Variants in RBFOX1 observed in about 807,000 individuals in gnomAD.
RBFOX1 encodes RNA binding fox-1 homolog 1.
A neutral mutation model predicts 57.7 loss-of-function variants in RBFOX1; 8 were observed. The observed-to-expected ratio is 0.14, with a 90% CI of 0.08 to 0.25. RBFOX1 has a LOEUF of 0.25. Among genes scored for constraint, RBFOX1 ranks in the 10% least tolerant of loss-of-function variants. RBFOX1 has a pLI of 1.00. For missense variants in RBFOX1, 611 were observed against 548.5 expected (o/e 1.11, Z -1.14); for synonymous variants, 326 against 222.4 (o/e 1.47, Z -4.15).
Position 7,235,733 on chromosome 16 carries a change from A to G in RBFOX1, c.27+183635A>G, listed in dbSNP as rs144698815. On this transcript the variant is annotated intron_variant, in intron 4 of 15. Coordinates refer to ENST00000550418, the MANE Select transcript of RBFOX1 (RefSeq NM_018723.4). ...TCTCTTTTTTCCTGCCTTGCAATTT[A>G]TATATTAAGGGTTGACCAAAAATTG... 2.9e-3 allele frequency among the ~76,000 whole-genome samples: 446 copies of G among 152,308 alleles called. 6 individuals carry two copies. Among genetic ancestry groups the G allele is most frequent in the African/African-American group, 0.01 (417 of 41,574 alleles).
intron 4 of RBFOX1, among the ~76,000 whole-genome samples, chr16:7,086,777 C>T (rs1001392220): frequency 2.7e-5 from 4 of 149,022 alleles, no homozygotes; most frequent in South Asian, 2.1e-4. Flanking sequence ...GCGTGTGTAT[C>T]ATCTTCATCC....
At chr16:7,195,111 C>G (rs59417309) in intron 4 of RBFOX1, among the ~76,000 whole-genome samples, 1 of 152,038 alleles carries the variant, frequency 6.6e-6, no homozygotes, top group African/African-American at 2.4e-5. Flanking sequence ...TCTATCAACA[C>G]CCTTAAGTCT....
chr16:7,370,037 C>A (rs937540633), intron 4 of RBFOX1, among the ~76,000 whole-genome samples: 1 of 152,154 alleles, frequency 6.6e-6, no homozygotes, highest in African/African-American at 2.4e-5. Flanking sequence ...AGCTTCTGAA[C>A]CTTGAGACTA....
At chr16:7,537,798 T>G (rs1000039178) in intron 5 of RBFOX1, among the ~76,000 whole-genome samples, 13 of 152,170 alleles carry the variant, frequency 8.5e-5, no homozygotes, top group African/African-American at 2.2e-4. Flanking sequence ...AGATTTCAGT[T>G]GAATGCAGAC....
intron 3 of RBFOX1, among the ~76,000 whole-genome samples, chr16:6,889,838 A>C (rs2065002406): frequency 6.6e-6 from 1 of 152,242 alleles, no homozygotes; most frequent in African/African-American, 2.4e-5. Flanking sequence ...CAGACACAGC[A>C]GGAAACAAGA....
intron 1 of RBFOX1, among the ~76,000 whole-genome samples, chr16:6,074,042 G>C (rs905401196): frequency 1.3e-5 from 2 of 152,014 alleles, no homozygotes; most frequent in Non-Finnish European, 2.9e-5. Flanking sequence ...TCCACCTCCT[G>C]GGTCCCTGCC....
chr16:7,594,245 A>T (rs1040639114), intron 7 of RBFOX1, among the ~76,000 whole-genome samples: 1 of 151,928 alleles, frequency 6.6e-6, no homozygotes, highest in African/African-American at 2.4e-5. Context: ...AGTTATCACC[A>T]GTTGGTTATA....
intron 13 of RBFOX1, among the ~76,000 whole-genome samples, chr16:7,666,556 ATTC>A (rs2069352408): frequency 6.6e-6 from 1 of 152,084 alleles, no homozygotes; most frequent in Non-Finnish European, 1.5e-5. Flanking sequence ...TTGGCCTCAG[ATTC>A]TTGAGTAGCA....
Position 7,439,446 on chromosome 16 carries a change from C to G in RBFOX1, c.28-78701C>G, listed in dbSNP as rs1251856276. On this transcript the variant is annotated intron_variant, in intron 4 of 15. Transcript: ENST00000550418. ...CATTCACTTTAAGAAGAAAACAAAT[C>G]ATTTGTATTCTTCTTGTCTGGACAC... Among the ~76,000 whole-genome samples, 5 of 151,906 alleles carry G rather than the reference C, an allele frequency of 3.3e-5. No individual in the cohort carries two copies. In the South Asian group the frequency reaches 8.3e-4, roughly 25 times the overall value.
At chr16:6,710,263 A>G (rs2063489613) in intron 3 of RBFOX1, among the ~76,000 whole-genome samples, 1 of 152,194 alleles carries the variant, frequency 6.6e-6, no homozygotes, top group Admixed American at 6.5e-5. Flanking sequence ...CTGTAATAGC[A>G]TTGTCTAGAA....
chr16:7,432,200 G>T (rs1246597190), intron 4 of RBFOX1, among the ~76,000 whole-genome samples: 1 of 152,230 alleles, frequency 6.6e-6, no homozygotes, highest in African/African-American at 2.4e-5. Flanking sequence ...AAATGTGGCT[G>T]TCTGACTTTT....
intron 4 of RBFOX1, among the ~76,000 whole-genome samples, chr16:7,194,929 CAAA>C (rs59919051): frequency 1.5e-5 from 2 of 134,186 alleles, no homozygotes; most frequent in African/African-American, 2.8e-5. Context: ...CCCTGTTTCA[CAAA>C]AAAAAAAAAA....
At chr16:7,180,330 G>A (rs549612884) in intron 4 of RBFOX1, among the ~76,000 whole-genome samples, 1 of 152,128 alleles carries the variant, frequency 6.6e-6, no homozygotes, top group South Asian at 2.1e-4. Flanking sequence ...AGAAAACTGA[G>A]GCTAAGAGAA....
intron 3 of RBFOX1, among the ~76,000 whole-genome samples, chr16:5,777,307 C>G (rs2054179796): frequency 6.6e-6 from 1 of 152,208 alleles, no homozygotes; most frequent in Non-Finnish European, 1.5e-5. Context: ...TCTTTTAATT[C>G]TGACCCTGCT....
intron 4 of RBFOX1, among the ~76,000 whole-genome samples, chr16:7,283,893 A>G (rs1353885547): frequency 6.6e-6 from 1 of 152,196 alleles, no homozygotes; most frequent in African/African-American, 2.4e-5. Context: ...CGTCCGCATG[A>G]TTTGGAGCAT....
At chr16:5,828,665 G>C (rs7201787) in intron 3 of RBFOX1, among the ~76,000 whole-genome samples, 107,195 of 151,880 alleles carry the variant, frequency 0.71, 38,021 homozygotes, top group African/African-American at 0.76. Flanking sequence ...TGCTACTGCA[G>C]TCCAGCCTGG....
At chr16:6,457,734 G>A (rs963484624) in intron 2 of RBFOX1, among the ~76,000 whole-genome samples, 2 of 152,150 alleles carry the variant, frequency 1.3e-5, no homozygotes, top group Non-Finnish European at 2.9e-5. Flanking sequence ...TGTGGACCCC[G>A]GTGATTTGCT....
In RBFOX1 at chr16:7,497,674, C is replaced by T. The variant is rs553482608; in HGVS notation, c.28-20473C>T. ...CATTTCTAAACATAGTCAAAAACTA[C>T]ATTTCGAATGAATTAATGAATGCAA... On this transcript the variant is annotated intron_variant, in intron 4 of 15. Transcript: ENST00000550418. Among the ~76,000 whole-genome samples the T allele has an allele frequency of 3.3e-5, 5 of 152,338 alleles. No individual in the cohort carries two copies. In the South Asian group the frequency reaches 8.3e-4, roughly 25 times the overall value.
At chr16:7,659,209 G>T (rs990613329) in intron 12 of RBFOX1, among the ~76,000 whole-genome samples, 1 of 152,174 alleles carries the variant, frequency 6.6e-6, no homozygotes, top group Admixed American at 6.5e-5. Flanking sequence ...TGGGGTATAG[G>T]AAAGATAGAG....
Sources: allele counts gnomAD v4.1 joint callset (sites outside exome capture counted in the v4.1 genomes callset), GRCh38; gene constraint gnomAD v4.1.1; transcripts MANE v1.5; gene names NCBI Gene and HGNC (gene_info 2026-07-23, HGNC 2026-07-21).